Variants in SHANK2 observed in about 807,000 individuals in gnomAD.
SHANK2 encodes the protein SH3 and multiple ankyrin repeat domains protein 2.
Under a neutral mutation model 133.7 loss-of-function variants are expected in SHANK2, and 43 were observed. The observed-to-expected ratio is 0.32, with a 90% CI of 0.25 to 0.41. The LOEUF (loss-of-function observed/expected upper bound fraction) is 0.41, where lower values mean the gene tolerates loss of function less well. Ranked by LOEUF, SHANK2 falls within the 10% of genes least tolerant of loss-of-function variation. The pLI, the probability that SHANK2 is intolerant of heterozygous loss-of-function variation, is 1.00. For synonymous variants in SHANK2, 1,017 were observed against 952.8 expected, an observed-to-expected ratio of 1.07 and a Z score of -1.24; for missense variants, 1,994 against 2,235.8, an observed-to-expected ratio of 0.89 and a Z score of 2.18.
intron 17 of SHANK2, among the ~76,000 whole-genome samples, chr11:70,594,367 A>C (rs1554988863): frequency 6.6e-6 from 1 of 152,182 alleles, no homozygotes; most frequent in East Asian, 1.9e-4. Flanking sequence ...AAATCCAAGA[A>C]TATTCAAAAG....
chr11:71,066,153 G>A (rs1951058259), intron 9 of SHANK2, among the ~76,000 whole-genome samples: 1 of 113,448 alleles, frequency 8.8e-6, no homozygotes, highest in Admixed American at 8.7e-5. Context: ...TTGGGTGGGG[G>A]GGGTGCAGAA....
chr11:70,855,585 A>G (rs73534025), intron 11 of SHANK2, among the ~76,000 whole-genome samples: 5,609 of 152,350 alleles, frequency 0.037, 301 homozygotes, highest in African/African-American at 0.13. Flanking sequence ...GTGAAGGAAT[A>G]GGAATTCCTA....
intron 9 of SHANK2, among the ~76,000 whole-genome samples, chr11:71,072,049 T>G (rs1003177347): frequency 2.0e-5 from 3 of 152,196 alleles, no homozygotes; most frequent in African/African-American, 7.2e-5. Context: ...TTCCTTGAGA[T>G]CAGAGAAAGA....
chr11:71,223,967 T>C (rs1378955212), intron 2 of SHANK2, among the ~76,000 whole-genome samples: 3 of 152,224 alleles, frequency 2.0e-5, no homozygotes, highest in Non-Finnish European at 4.4e-5. Flanking sequence ...TTATGGTCCC[T>C]GGTATACAAG....
chr11:71,153,347 AGTGT>A (rs1952837057), intron 2 of SHANK2, among the ~76,000 whole-genome samples: 1 of 152,148 alleles, frequency 6.6e-6, no homozygotes, highest in South Asian at 2.1e-4. Context: ...AATGACTCTT[AGTGT>A]GTGTTTCTCT....
In SHANK2 at chr11:70,486,700, G is replaced by C; in HGVS notation, c.3593C>G (p.Pro1198Arg). The change falls in exon 25 of 26, where the codon CCC (proline) becomes CGC (arginine). Residue 1198 changes from proline to arginine, a missense_variant. Pro to Arg is a moderately radical substitution (Grantham distance 103). Coordinates refer to ENST00000601538, the MANE Select transcript of SHANK2 (RefSeq NM_012309.5). The surrounding 1 kb of genome is among the most constrained non-coding windows in gnomAD (Gnocchi z 8.0). The part of the protein sequence containing the change: ...VPSASSGTAG[P>R]GNYVHPLTGR... ...TGTGAGTGGGTGGACATAATTCCCG[G>C]GGCCGGCTGTGCCGCTGCTCGCGGA... The C allele has an allele frequency of 2.5e-6, 4 of 1,610,786 alleles. No individual in the cohort carries two copies. Among genetic ancestry groups the C allele is most frequent in the Non-Finnish European group, 3.4e-6 (4 of 1,179,940 alleles).
chr11:70,530,323 C>A (rs1388898387), intron 17 of SHANK2, among the ~76,000 whole-genome samples: 1 of 152,114 alleles, frequency 6.6e-6, no homozygotes, highest in African/African-American at 2.4e-5. Flanking sequence ...AATCCTCGCA[C>A]CCAGGAGTTC....
intron 17 of SHANK2, among the ~76,000 whole-genome samples, chr11:70,658,254 CACACACACAGACACACACACACACACAG>C (rs1565220462): frequency 1.6e-5 from 2 of 121,732 alleles, no homozygotes; most frequent in African/African-American, 8.9e-5. Context: ...CAGACACACA[CACACACACAGACACACACACACACACAG>C]ACACACACAC....
intron 17 of SHANK2, among the ~76,000 whole-genome samples, chr11:70,657,888 C>G (rs1389845499): frequency 3.3e-5 from 5 of 152,154 alleles, no homozygotes; most frequent in Admixed American, 2.0e-4. Context: ...CCTTCTCAGC[C>G]CCACCCAGGT....
At chr11:70,767,709 G>T (rs114184524) in intron 14 of SHANK2, among the ~76,000 whole-genome samples, 2,387 of 151,502 alleles carry the variant, frequency 0.016, 52 homozygotes, top group African/African-American at 0.055. Context: ...GGGGCATGAG[G>T]AGTGACTGCT....
At chr11:71,146,108 G>A (rs549445724) in intron 3 of SHANK2, among the ~76,000 whole-genome samples, 22 of 152,296 alleles carry the variant, frequency 1.4e-4, no homozygotes, top group Admixed American at 6.5e-5. Flanking sequence ...GTGGACAGAC[G>A]GCGTGTGAAA....
At chr11:70,640,308 G>A (rs2061160337) in intron 17 of SHANK2, among the ~76,000 whole-genome samples, 1 of 152,192 alleles carries the variant, frequency 6.6e-6, no homozygotes, top group Admixed American at 6.5e-5. Flanking sequence ...TTGAGACACA[G>A]AATCGCAGAG....
intron 15 of SHANK2, among the ~76,000 whole-genome samples, chr11:70,680,183 C>T (rs1944996641): frequency 1.3e-5 from 2 of 152,162 alleles, no homozygotes; most frequent in Admixed American, 6.5e-5. Context: ...CAGCTAATGT[C>T]GGCCAAAACA....
intron 8 of SHANK2, among the ~76,000 whole-genome samples, chr11:71,082,248 C>T (rs1951310711): frequency 1.3e-5 from 2 of 152,206 alleles, no homozygotes; most frequent in South Asian, 4.1e-4. Flanking sequence ...TCCTGTGCTA[C>T]CTGGCATTGT....
At chr11:70,592,568 A>G in intron 17 of SHANK2, among the ~76,000 whole-genome samples, 1 of 151,712 alleles carries the variant, frequency 6.6e-6, no homozygotes, top group African/African-American at 2.4e-5. Context: ...CCTTCTGCCC[A>G]AGGCGGGTCT....
In SHANK2 at chr11:70,852,118, G is replaced by A. The variant is rs536151514; in HGVS notation, c.1175-31436C>T. 5.9e-5 allele frequency among the ~76,000 whole-genome samples: 9 copies of A among 152,312 alleles called. No individual in the cohort carries two copies. The South Asian group carries it at 1.7e-3, about 28-fold the overall frequency. ...TCCCCTGGCCGCCGGGGAGGAGCGT[G>A]GGCAGGGTCTGCAGAGGCGAGAGAG... On this transcript the variant is annotated intron_variant, in intron 11 of 25. Transcript: ENST00000601538.
At position 71,227,865 on chromosome 11, in the gene SHANK2, C is replaced by A. The variant is rs77471323; in HGVS notation, c.-112-3069G>T. Among the ~76,000 whole-genome samples the A allele has an allele frequency of 3.6e-3, 546 of 151,508 alleles. 4 individuals are homozygous for A. The highest frequency in any genetic ancestry group is 0.013 in the African/African-American group (532 of 41,310). ...CCTCAAGAAGCTAGCAAAAGGAGACCCAAACAAACCCAAAGCAAGCAGAAG... is the reference window on the plus strand; with the variant it reads ...CCTCAAGAAGCTAGCAAAAGGAGACACAAACAAACCCAAAGCAAGCAGAAG... On this transcript the variant is annotated intron_variant, in intron 1 of 25. Transcript: ENST00000601538.
At chr11:70,905,253 A>G (rs1453044530) in intron 10 of SHANK2, among the ~76,000 whole-genome samples, 4 of 152,166 alleles carry the variant, frequency 2.6e-5, no homozygotes, top group African/African-American at 9.7e-5. Context: ...TATATCAGGC[A>G]ACCCCTTTCA....
chr11:70,751,041 GA>G (rs147798675), intron 14 of SHANK2, among the ~76,000 whole-genome samples: 45 of 150,442 alleles, frequency 3.0e-4, no homozygotes, highest in South Asian at 2.1e-3. Flanking sequence ...CAATACAAAT[GA>G]AAAAAAAATT....
Sources: gnomAD v4.1 joint callset for allele counts (sites outside exome capture counted in the v4.1 genomes callset) on GRCh38, gnomAD v4.1.1 for gene constraint, Gnocchi (gnomAD v3.1) non-coding constraint, MANE v1.5 for transcripts, NCBI Gene and HGNC (gene_info 2026-07-23, HGNC 2026-07-21) for gene names.